Variants in SYNE2 observed in about 807,000 individuals in gnomAD.
SYNE2 encodes spectrin repeat containing nuclear envelope protein 2.
A neutral mutation model predicts 856.3 loss-of-function variants in SYNE2; 431 were observed. The observed-to-expected ratio is 0.50, with a 90% CI of 0.47 to 0.55. The LOEUF (loss-of-function observed/expected upper bound fraction) is 0.55, where lower values mean the gene tolerates loss of function less well. Among genes scored for constraint, SYNE2 ranks in the 20% least tolerant of loss-of-function variants. The pLI is 0.00. For synonymous variants in SYNE2, 2,923 were observed against 2,872.3 expected (o/e 1.02, Z -0.56); for missense variants, 8,129 against 8,023.2 (o/e 1.01, Z -0.50).
chr14:63,940,772 G>A (rs1045331469), intron 3 of SYNE2, 97 bp downstream of exon 3: 4 of 1,014,602 alleles, frequency 3.9e-6, no homozygotes, highest in Admixed American at 3.8e-5. Context: ...AAATGGTACT[G>A]GTGATGACAG....
At position 64,100,551 on chromosome 14, in the gene SYNE2, T is replaced by TAG. The variant is rs1567299214; in HGVS notation, c.12382-1380_12382-1379insGA. 6.1e-4 allele frequency among the ~76,000 whole-genome samples: 70 copies of TAG among 115,470 alleles called. 3 individuals are homozygous for TAG. Among genetic ancestry groups the TAG allele is most frequent in the East Asian group, 5.9e-3 (26 of 4,396 alleles). The allele number at this position is 115,470 out of a possible 152,430, so 75.8% of individuals were successfully genotyped here. ...AAAAAAATATATATATATATATATATATATATATATATATATATATTTATG... is the reference window on the plus strand; with the variant it reads ...AAAAAAATATATATATATATATATATAGATATATATATATATATATATTTATG... On this transcript the variant is annotated intron_variant, in intron 63 of 115. Coordinates refer to ENST00000555002, the MANE Select transcript of SYNE2 (RefSeq NM_182914.3).
chr14:63,773,338 C>T (rs1318103148), intron 1 of SYNE2, among the ~76,000 whole-genome samples: 1 of 151,772 alleles, frequency 6.6e-6, no homozygotes, highest in Admixed American at 6.6e-5. Context: ...TAGCTGGTAC[C>T]ACGGGTGCAC....
chr14:63,988,310 T>C (rs527483157), intron 19 of SYNE2, among the ~76,000 whole-genome samples: 101 of 152,374 alleles, frequency 6.6e-4, no homozygotes, highest in Admixed American at 1.3e-3. Flanking sequence ...ACTCCTGGGC[T>C]CAAGTGATTT....
At chr14:64,100,545 T>A (rs1387288302) in intron 63 of SYNE2, among the ~76,000 whole-genome samples, 4,369 of 85,630 alleles carry the variant, frequency 0.051, 587 homozygotes, top group African/African-American at 0.18. Flanking sequence ...TATATATATA[T>A]ATATATATAT....
At chr14:63,952,400 A>G (rs1253340053) in intron 7 of SYNE2, among the ~76,000 whole-genome samples, 1 of 152,232 alleles carries the variant, frequency 6.6e-6, no homozygotes, top group Non-Finnish European at 1.5e-5. Context: ...ACTTTTAATT[A>G]CTTAAAAGTA....
intron 49 of SYNE2, among the ~76,000 whole-genome samples, chr14:64,058,962 C>CCTCA (rs1207299603): frequency 2.6e-5 from 4 of 152,008 alleles, no homozygotes; most frequent in African/African-American, 4.8e-5. Flanking sequence ...CTGATGCATT[C>CCTCA]CTCAGTATGT....
At chr14:64,106,134 C>T (rs371605588) in intron 64 of SYNE2, among the ~76,000 whole-genome samples, 2 of 63,538 alleles carry the variant, frequency 3.1e-5, no homozygotes, top group African/African-American at 2.8e-4. Flanking sequence ...ATTTCCAGAC[C>T]CCCCCCCCCA....
At chr14:64,155,575 T>TAAA (rs562563652) in intron 85 of SYNE2, among the ~76,000 whole-genome samples, 40 of 131,782 alleles carry the variant, frequency 3.0e-4, no homozygotes, top group Non-Finnish European at 5.1e-4. Flanking sequence ...TTCAATAAAG[T>TAAA]AAAAAAAAAA....
chr14:63,835,456 C>T (rs1889817067), intron 1 of SYNE2, among the ~76,000 whole-genome samples: 1 of 152,018 alleles, frequency 6.6e-6, no homozygotes, highest in Non-Finnish European at 1.5e-5. Flanking sequence ...TGGTCTCAAA[C>T]TCCTGACCTC....
intron 1 of SYNE2, among the ~76,000 whole-genome samples, chr14:63,783,083 T>C (rs1004009027): frequency 2.0e-5 from 3 of 152,084 alleles, no homozygotes; most frequent in African/African-American, 4.8e-5. Context: ...TCATCTTTGA[T>C]TGTAATCCCC....
rs767193717 is a variant in SYNE2, at chr14:64,209,977, G to A, written c.18576G>A (p.Gln6192=). The A allele has an allele frequency of 2.5e-6, 4 of 1,614,024 alleles. No individual in the cohort carries two copies. In the Admixed American group the frequency reaches 5.0e-5, roughly 20 times the overall value. ...GGCAGATTCATGAGCGGCTCACTCAGCTGGAGCTCATCAACAAGCAGTACC... is the reference window on the plus strand; with the variant it reads ...GGCAGATTCATGAGCGGCTCACTCAACTGGAGCTCATCAACAAGCAGTACC... ...FQRQIHERLT[Q]LELINKQYRR... is the part of the protein sequence containing the mutation. The change falls in exon 103 of 116, where the codon CAG becomes CAA. Residue 6192 remains glutamine (Q), a synonymous_variant. Coordinates refer to ENST00000555002, the MANE Select transcript of SYNE2 (RefSeq NM_182914.3).
Position 64,048,111 on chromosome 14 carries a change from G to A in SYNE2, c.7333G>A (p.Glu2445Lys). 1 of 1,613,538 alleles carries A rather than the reference G, an allele frequency of 6.2e-7. No homozygotes were observed. Among genetic ancestry groups the A allele is most frequent in the Non-Finnish European group, 8.5e-7 (1 of 1,179,694 alleles). ...KVNELQNQPL[E>K]LDTMLRNEQL... ...CAATGAGCTGCAAAATCAACCTTTA[G>A]AATTAGATACTATGTTAAGAAATGA... Residue 2445 changes from glutamate (E) to lysine (K), a missense_variant, in exon 46 of 116, where the codon GAA becomes AAA. Physicochemically the swap from Glu to Lys is moderately conservative, Grantham distance 56. Transcript: ENST00000555002.
At chr14:64,205,489 T>A (rs1020867016) in intron 100 of SYNE2, among the ~76,000 whole-genome samples, 10 of 152,180 alleles carry the variant, frequency 6.6e-5, no homozygotes, top group African/African-American at 2.4e-4. Context: ...ATATAATAAA[T>A]TAATTGCTTC....
chr14:64,172,792 G>A (rs2098417062), intron 94 of SYNE2, among the ~76,000 whole-genome samples: 1 of 152,038 alleles, frequency 6.6e-6, no homozygotes, highest in Non-Finnish European at 1.5e-5. Flanking sequence ...ATTTAGCCAG[G>A]TGTGGTGGTG....
Position 64,137,807 on chromosome 14 carries a change from T to C in SYNE2, c.14667T>C (p.Gly4889=), listed in dbSNP as rs576736744. 1.2e-6 allele frequency: 2 copies of C among 1,614,180 alleles called. No homozygotes were observed. Among genetic ancestry groups the C allele is most frequent in the Admixed American group, 1.7e-5 (1 of 60,032 alleles). Reference sequence around the variant, plus strand: ...ATTAGCAAATAAAAAGAAACATTGGTGGAAAACACGCCCGGCTTTACCAAA... The same window carrying C: ...ATTAGCAAATAAAAAGAAACATTGGCGGAAAACACGCCCGGCTTTACCAAA... The part of the protein sequence containing the change: ...SFYQQIKRNI[G]GKHARLYQTL... Residue 4889 remains glycine, a synonymous_variant, in exon 79 of 116, where the codon GGT becomes GGC. Transcript: ENST00000555002.
chr14:64,076,029 A>C lies in SYNE2; in HGVS notation c.10951A>C (p.Thr3651Pro). The C allele has an allele frequency of 2.5e-6, 4 of 1,613,990 alleles. No homozygotes were observed. Among genetic ancestry groups the C allele is most frequent in the Non-Finnish European group, 2.5e-6 (3 of 1,179,878 alleles). Residue 3651 changes from threonine to proline, a missense_variant, in exon 54 of 116, where the codon ACC becomes CCC. Physicochemically the swap from Thr to Pro is conservative, Grantham distance 38 (BLOSUM62 -1). Transcript: ENST00000555002. ...KLRIKYSEMY[T>P]IVPAEIESQV... Reference sequence around the variant, plus strand: ...GCGAATCAAGTATTCCGAAATGTACACCATAGTCCCTGCAGAGATTGAATC... The same window carrying C: ...GCGAATCAAGTATTCCGAAATGTACCCCATAGTCCCTGCAGAGATTGAATC...
intron 13 of SYNE2, among the ~76,000 whole-genome samples, chr14:63,978,481 G>A (rs1341633134): frequency 6.6e-6 from 1 of 152,036 alleles, no homozygotes. Flanking sequence ...ATAATAAGAG[G>A]GTGTTAGCAT....
intron 56 of SYNE2, 82 bp from the exon 57 acceptor site, chr14:64,081,361 C>G (rs748584181): frequency 2.5e-6 from 4 of 1,573,322 alleles, no homozygotes; most frequent in Non-Finnish European, 3.5e-6. Flanking sequence ...CCCTGACTAA[C>G]AGCTATTGAC....
In SYNE2 at chr14:64,047,543, C is replaced by T. The variant is rs545049723; in HGVS notation, c.7222-457C>T. Among the ~76,000 whole-genome samples, 17 of 152,218 alleles carry T rather than the reference C, an allele frequency of 1.1e-4. No homozygotes were observed. In the East Asian group the frequency reaches 3.3e-3, roughly 29 times the overall value. On this transcript the variant is annotated intron_variant, in intron 45 of 115. Coordinates refer to ENST00000555002, the MANE Select transcript of SYNE2 (RefSeq NM_182914.3). ...AGGTGGGGTTTCACTGGGGGCTTGC[C>T]CCTATCTGTCTAGGCATTTGGCTGC... is the stretch of plus-strand genomic sequence containing the variant.
Sources: allele counts gnomAD v4.1 joint callset (sites outside exome capture counted in the v4.1 genomes callset), GRCh38; gene constraint gnomAD v4.1.1; transcripts MANE v1.5; gene names NCBI Gene and HGNC (gene_info 2026-07-23, HGNC 2026-07-21).